ARK2C: variants seen among roughly 807,000 people sequenced by gnomAD.
ARK2C encodes the protein E3 ubiquitin-protein ligase ARK2C.
the ARK2C span, among the ~76,000 whole-genome samples, chr18:46,363,632 G>A: frequency 6.6e-6 from 1 of 152,224 alleles, no homozygotes; most frequent in African/African-American, 2.4e-5. Context: ...GGGACATGGA[G>A]GAGAGCAGCT....
the ARK2C span, chr18:46,334,754 T>C: frequency 3.2e-6 from 1 of 309,790 alleles, no homozygotes; most frequent in Non-Finnish European, 5.7e-6. This position sits in a 1 kb window ranked among gnomAD's most constrained non-coding sequence, Gnocchi z 4.4. Context: ...GCATGCTTGG[T>C]TTTCTGTGGT....
chr18:46,381,321 C>T, the ARK2C span, among the ~76,000 whole-genome samples: 21 of 152,320 alleles, frequency 1.4e-4, no homozygotes, highest in African/African-American at 4.8e-4. Flanking sequence ...GGTTTAGCCG[C>T]AAGAAACAGT....
the ARK2C span, among the ~76,000 whole-genome samples, chr18:46,446,516 C>A: frequency 3.3e-5 from 5 of 151,558 alleles, no homozygotes; most frequent in African/African-American, 9.7e-5. Flanking sequence ...ACTAAAACTA[C>A]AAAAGTTATC....
At chr18:46,392,878 C>T in the ARK2C span, among the ~76,000 whole-genome samples, 4 of 152,152 alleles carry the variant, frequency 2.6e-5, no homozygotes, top group African/African-American at 9.7e-5. Context: ...ACCTCCTGGT[C>T]TTTGGGGAGT....
the ARK2C span, among the ~76,000 whole-genome samples, chr18:46,407,253 C>G: frequency 2.0e-5 from 3 of 152,186 alleles, no homozygotes; most frequent in African/African-American, 7.2e-5. Flanking sequence ...CCAGCTCCAG[C>G]TTGAGAGTCC....
chr18:46,416,929 G>T, the ARK2C span, among the ~76,000 whole-genome samples: 1 of 152,252 alleles, frequency 6.6e-6, no homozygotes, highest in Non-Finnish European at 1.5e-5. Flanking sequence ...GAGGCAAGGG[G>T]TGGGAAAGTA....
chr18:46,334,219 G>C, the ARK2C span: 6 of 1,182,460 alleles, frequency 5.1e-6, no homozygotes, highest in Non-Finnish European at 6.4e-6. This position sits in a 1 kb window ranked among gnomAD's most constrained non-coding sequence, Gnocchi z 4.4. Flanking sequence ...CCCCGGAGCC[G>C]CGCCACAAAG....
chr18:46,390,643 AG>A, the ARK2C span, among the ~76,000 whole-genome samples: 1 of 152,184 alleles, frequency 6.6e-6, no homozygotes, highest in Non-Finnish European at 1.5e-5. Flanking sequence ...TCTGTAGGAC[AG>A]TTAGTCCATC....
At chr18:46,369,748 C>T in the ARK2C span, among the ~76,000 whole-genome samples, 2 of 152,210 alleles carry the variant, frequency 1.3e-5, no homozygotes, top group Non-Finnish European at 1.5e-5. Context: ...TTCCTCTCAT[C>T]ACGCACACCC....
At chr18:46,397,595 GGT>G in the ARK2C span, among the ~76,000 whole-genome samples, 33 of 86,000 alleles carry the variant, frequency 3.8e-4, no homozygotes, top group East Asian at 5.8e-4. Flanking sequence ...GGGGTGTGAG[GGT>G]GTGTGTGTGT....
chr18:46,411,112 G>A, the ARK2C span, among the ~76,000 whole-genome samples: 1 of 152,156 alleles, frequency 6.6e-6, no homozygotes. Flanking sequence ...TCTTTTTGTT[G>A]GCATTCCCTT....
the ARK2C span, among the ~76,000 whole-genome samples, chr18:46,349,185 G>T: frequency 6.6e-6 from 1 of 152,182 alleles, no homozygotes; most frequent in East Asian, 1.9e-4. Flanking sequence ...AGCACATTTG[G>T]ACTGCAGTAA....
At chr18:46,365,063 C>T in the ARK2C span, among the ~76,000 whole-genome samples, 3 of 152,224 alleles carry the variant, frequency 2.0e-5, no homozygotes, top group Admixed American at 2.0e-4. Context: ...CTATAAGTCT[C>T]TGGTTCTCCT....
chr18:46,422,757 C>T, the ARK2C span, among the ~76,000 whole-genome samples: 1 of 152,244 alleles, frequency 6.6e-6, no homozygotes, highest in Admixed American at 6.5e-5. Flanking sequence ...CTCCAGGTCA[C>T]ACCCCCGCCC....
the ARK2C span, among the ~76,000 whole-genome samples, chr18:46,344,590 G>C: frequency 6.6e-6 from 1 of 152,208 alleles, no homozygotes; most frequent in Non-Finnish European, 1.5e-5. Context: ...CCTTCCCCAG[G>C]GGACCTTGGC....
chr18:46,399,982 A>T, the ARK2C span, among the ~76,000 whole-genome samples: 2 of 152,144 alleles, frequency 1.3e-5, no homozygotes, highest in African/African-American at 2.4e-5. Context: ...AGGTTTAGTG[A>T]GGTGCAAGCT....
chr18:46,416,007 T>A, the ARK2C span, among the ~76,000 whole-genome samples: 1 of 152,032 alleles, frequency 6.6e-6, no homozygotes, highest in East Asian at 1.9e-4. Flanking sequence ...AGGGCTGGGG[T>A]TTGTCCTCAG....
chr18:46,351,742 A>G, the ARK2C span, among the ~76,000 whole-genome samples: 20 of 152,222 alleles, frequency 1.3e-4, no homozygotes, highest in African/African-American at 4.6e-4. Flanking sequence ...ACAGAGGCCT[A>G]GGTTTAAGTC....
chr18:46,363,995 T>G, the ARK2C span, among the ~76,000 whole-genome samples: 1 of 147,860 alleles, frequency 6.8e-6, no homozygotes, highest in African/African-American at 2.5e-5. Flanking sequence ...CCCCCCAGGC[T>G]AGAGTGCAGT....
Sources: allele counts gnomAD v4.1 joint callset (sites outside exome capture counted in the v4.1 genomes callset), GRCh38; gene constraint gnomAD v4.1.1; non-coding constraint Gnocchi (gnomAD v3.1); transcripts MANE v1.5; gene names NCBI Gene and HGNC (gene_info 2026-07-23, HGNC 2026-07-21).